Variants in SDHA observed in about 807,000 individuals in gnomAD.
SDHA encodes the protein succinate dehydrogenase [ubiquinone] flavoprotein subunit, mitochondrial.
A neutral mutation model predicts 78.4 loss-of-function variants in SDHA; 48 were observed. The ratio of observed to expected loss-of-function variants is 0.61; its 90% CI spans 0.49 to 0.78. The LOEUF is 0.78. Among genes scored for constraint, SDHA ranks in the 30% least tolerant of loss-of-function variants. The pLI is 0.00. For synonymous variants in SDHA, 326 were observed against 353.9 expected (o/e 0.92, Z 0.88); for missense variants, 680 against 892.7 (o/e 0.76, Z 3.04).
At chr5:225,597 C>T (rs1232172253) in intron 4 of SDHA, 35 bp downstream of exon 4, 3 of 1,613,766 alleles carry the variant, frequency 1.9e-6, no homozygotes, top group South Asian at 2.2e-5. Context: ...TTCTCGTGGT[C>T]TGTTTCTAGT....
intron 11 of SDHA, among the ~76,000 whole-genome samples, chr5:243,397 G>C (rs763753841): frequency 1.3e-4 from 20 of 152,182 alleles, no homozygotes; most frequent in Non-Finnish European, 2.1e-4. Context: ...TTGGTGGGCA[G>C]TTGTAGCTTC....
chr5:247,369 C>T (rs1482779867), intron 11 of SDHA, among the ~76,000 whole-genome samples: 1 of 152,192 alleles, frequency 6.6e-6, no homozygotes, highest in Non-Finnish European at 1.5e-5. Context: ...CACATTAGGG[C>T]TCATACACCT....
downstream of SDHA, among the ~76,000 whole-genome samples, chr5:261,420 CGT>C (rs1737474579): frequency 3.0e-5 from 2 of 67,556 alleles, no homozygotes; most frequent in Admixed American, 1.4e-4. Flanking sequence ...CTCCGCCTCC[CGT>C]CAGAGCATTA....
chr5:233,718 C>T (rs1401070057), intron 8 of SDHA, 73 bp downstream of exon 8: 16 of 1,465,220 alleles, frequency 1.1e-5, no homozygotes, highest in East Asian at 9.1e-5. Context: ...GTTTCAGCAC[C>T]GCTCGCCCTC....
Position 233,614 on chromosome 5 carries a change from C to T in SDHA, c.1033C>T (p.Arg345Trp), listed in dbSNP as rs760598746. 1.2e-6 allele frequency: 2 copies of T among 1,613,952 alleles called. No individual in the cohort carries two copies. The highest frequency in any genetic ancestry group is 8.5e-7 in the Non-Finnish European group (1 of 1,179,972). The change falls in exon 8 of 15, where the codon CGG becomes TGG. Residue 345 changes from arginine to tryptophan, a missense_variant. Arg to Trp is a moderately radical substitution (Grantham distance 101). Coordinates refer to ENST00000264932, the MANE Select transcript of SDHA (RefSeq NM_004168.4). ...CCTGGCGTCTAGAGATGTGGTGTCT[C>T]GGTCCATGACTCTGGAGATCCGAGA... Reference protein sequence around the residue: ...KDLASRDVVSRSMTLEIREGR... With the variant: ...KDLASRDVVSWSMTLEIREGR...
At chr5:263,413 G>A in the SDHA span, among the ~76,000 whole-genome samples, 1 of 152,180 alleles carries the variant, frequency 6.6e-6, no homozygotes, top group African/African-American at 2.4e-5. Flanking sequence ...GCAGCAGCTT[G>A]AATAAATCTG....
chr5:268,414 C>T, the SDHA span, among the ~76,000 whole-genome samples: 148 of 152,264 alleles, frequency 9.7e-4, no homozygotes, highest in African/African-American at 3.3e-3. Context: ...GATCCACCCG[C>T]CTCAGCCTCC....
At chr5:228,631 A>G (rs1287698735) in intron 6 of SDHA, among the ~76,000 whole-genome samples, 1 of 152,208 alleles carries the variant, frequency 6.6e-6, no homozygotes, top group Non-Finnish European at 1.5e-5. Flanking sequence ...CAAAGAGTCA[A>G]CATGGGGTTT....
In SDHA at chr5:230,749, G is replaced by A. The variant is rs1303616537; in HGVS notation, c.771-127G>A. On this transcript the variant is annotated intron_variant, in intron 6 of 14. Coordinates refer to ENST00000264932, the MANE Select transcript of SDHA (RefSeq NM_004168.4). ...GATATGTGTGGGGTGTGCGTGAGTA[G>A]GGGGTTGTGTGTGCACAGCACTGAG... 7.2e-6 allele frequency: 9 copies of A among 1,257,488 alleles called. No homozygotes were observed. In the East Asian group the frequency reaches 1.9e-4, roughly 26 times the overall value. 77.9% of individuals were successfully genotyped at this position (1,257,488 alleles called of 1,614,324 possible). A position where few individuals can be genotyped will look rare whatever the true frequency, so the allele number is the denominator to read the frequency against.
the SDHA span, among the ~76,000 whole-genome samples, chr5:263,758 T>C: frequency 6.6e-6 from 1 of 152,230 alleles, no homozygotes; most frequent in East Asian, 1.9e-4. Context: ...CATACGTCAC[T>C]GTGGAATGCA....
Position 251,085 on chromosome 5 carries a change from C to T in SDHA, c.1645C>T (p.Leu549=). ...ISKLYGDLKH[L]KTFDRGMVWN... ...CAAGCTCTATGGAGACCTAAAGCAC[C>T]TGAAGACGTTCGACCGGGGTGAGCA... Residue 549 remains leucine (L), a synonymous_variant, in exon 12 of 15, where the codon CTG becomes TTG. Coordinates refer to ENST00000264932, the MANE Select transcript of SDHA (RefSeq NM_004168.4). The T allele has an allele frequency of 6.2e-7, 1 of 1,611,990 alleles. No homozygotes were observed. Among genetic ancestry groups the T allele is most frequent in the Non-Finnish European group, 8.5e-7 (1 of 1,179,832 alleles).
At chr5:224,587 C>T in intron 3 of SDHA, 66 bp downstream of exon 3, 3 of 1,551,450 alleles carry the variant, frequency 1.9e-6, no homozygotes, top group Non-Finnish European at 1.8e-6. Flanking sequence ...GCACTTTCTA[C>T]CTGGGCAGCC....
chr5:257,585 C>T (rs565030808), downstream of SDHA, among the ~76,000 whole-genome samples: 1 of 125,136 alleles, frequency 8.0e-6, no homozygotes, highest in African/African-American at 3.6e-5. Context: ...CCGCCCCTGC[C>T]AGAGCATTAC....
In SDHA at chr5:224,453, G is replaced by A; in HGVS notation, c.244G>A (p.Glu82Lys). Residue 82 changes from glutamate (E) to lysine (K), a missense_variant, in exon 3 of 15, where the codon GAG becomes AAG. Coordinates refer to ENST00000264932, the MANE Select transcript of SDHA (RefSeq NM_004168.4). ...CTTGCGAGCTGCATTTGGCCTTTCT[G>A]AGGCAGGGTTTAATACAGCATGTGT... is the stretch of plus-strand genomic sequence containing the variant. Reference protein sequence around the residue: ...AGLRAAFGLSEAGFNTACVTK... With the variant: ...AGLRAAFGLSKAGFNTACVTK... 1 of 1,613,628 alleles carries A rather than the reference G, an allele frequency of 6.2e-7. No individual in the cohort carries two copies. The highest frequency in any genetic ancestry group is 8.5e-7 in the Non-Finnish European group (1 of 1,179,866).
At chr5:235,364 C>T (rs1175781479) in intron 9 of SDHA, 25 bp downstream of exon 9, 1 of 1,612,614 alleles carries the variant, frequency 6.2e-7, no homozygotes. Context: ...TCCTCCCCCA[C>T]AGCTGGAAAG....
At chr5:260,047 G>A (rs247074), downstream of SDHA, among the ~76,000 whole-genome samples, 6 of 25,178 alleles carry the variant, frequency 2.4e-4, no homozygotes, top group South Asian at 1.3e-3. Flanking sequence ...CCGCCTCCCG[G>A]CAGAGCATTA....
intron 6 of SDHA, 147 bp from the exon 7 acceptor site, chr5:230,729 G>A: frequency 6.9e-6 from 7 of 1,014,166 alleles, no homozygotes; most frequent in South Asian, 2.7e-5. Context: ...CTAGTGATAT[G>A]TGTGGGGTGT....
the SDHA span, among the ~76,000 whole-genome samples, chr5:262,824 A>G: frequency 1.3e-5 from 2 of 152,268 alleles, no homozygotes; most frequent in Admixed American, 6.5e-5. Flanking sequence ...AGTTTTTGCC[A>G]TTACTTTCAA....
chr5:265,626 A>C, the SDHA span, among the ~76,000 whole-genome samples: 6 of 152,190 alleles, frequency 3.9e-5, no homozygotes, highest in African/African-American at 7.2e-5. Context: ...GAATTGTCCC[A>C]GCCTGGCCAA....
Sources: gnomAD v4.1 joint callset for allele counts (sites outside exome capture counted in the v4.1 genomes callset) on GRCh38, gnomAD v4.1.1 for gene constraint, MANE v1.5 for transcripts, NCBI Gene and HGNC (gene_info 2026-07-23, HGNC 2026-07-21) for gene names.